ANKRD6: variants seen among roughly 807,000 people sequenced by gnomAD.
ANKRD6 encodes the protein ankyrin repeat domain 6.
ANKRD6 carries 56 observed loss-of-function variants against 82.3 expected under a neutral mutation model. The ratio of observed to expected loss-of-function variants is 0.68; its 90% confidence interval spans 0.55 to 0.85. The LOEUF is 0.85. Among genes scored for constraint, ANKRD6 ranks in the 40% least tolerant of loss-of-function variants. The pLI, the probability that ANKRD6 is intolerant of heterozygous loss-of-function variation, is 0.00. For missense variants in ANKRD6, 852 were observed against 907.6 expected (o/e 0.94, Z 0.79); for synonymous variants, 347 against 352.1 (o/e 0.99, Z 0.16).
chr6:89,622,066 G>C lies in ANKRD6; in HGVS notation c.897+40G>C, dbSNP rs369210246. Reference sequence around the variant, plus strand: ...TCCCGCCGTCCCCACATCCACCCATGCTCAGAGGGTGGGAAACTATCTCCC... The same window carrying C: ...TCCCGCCGTCCCCACATCCACCCATCCTCAGAGGGTGGGAAACTATCTCCC... On this transcript the variant is annotated intron_variant, in intron 10 of 15. Coordinates refer to ENST00000339746, the MANE Select transcript of ANKRD6 (RefSeq NM_001242809.2). 92 of 1,572,948 alleles carry C rather than the reference G, an allele frequency of 5.8e-5. No individual in the cohort carries two copies. The African/African-American group carries it at 1.1e-3, about 19-fold the overall frequency.
chr6:89,624,497 G>A, intron 12 of ANKRD6, 42 bp from the exon 13 acceptor site: 1 of 1,547,794 alleles, frequency 6.5e-7, no homozygotes, highest in Non-Finnish European at 8.7e-7. Flanking sequence ...ACCTGATGAA[G>A]GAATGAACAA....
chr6:89,526,249 T>G (rs1482412134), intron 1 of ANKRD6, among the ~76,000 whole-genome samples: 1 of 152,054 alleles, frequency 6.6e-6, no homozygotes, highest in Non-Finnish European at 1.5e-5. Context: ...TGCTCCAGAG[T>G]GGTCTAATGG....
intron 3 of ANKRD6, among the ~76,000 whole-genome samples, chr6:89,599,019 A>C (rs1796503150): frequency 6.6e-6 from 1 of 152,134 alleles, no homozygotes; most frequent in African/African-American, 2.4e-5. Flanking sequence ...TTATCAATAA[A>C]ATGAGAGAAT....
chr6:89,613,042 A>G (rs1443155716), intron 6 of ANKRD6, among the ~76,000 whole-genome samples: 5 of 152,364 alleles, frequency 3.3e-5, no homozygotes, highest in African/African-American at 1.2e-4. Flanking sequence ...GCAGGGGAGA[A>G]AAGTATGCCA....
intron 2 of ANKRD6, among the ~76,000 whole-genome samples, chr6:89,591,167 G>A (rs897259278): frequency 6.6e-5 from 10 of 152,094 alleles, no homozygotes; most frequent in African/African-American, 2.2e-4. Context: ...GCAATGGTGC[G>A]ATCACAGCTC....
chr6:89,552,136 C>T (rs963560437), intron 1 of ANKRD6, among the ~76,000 whole-genome samples: 2 of 152,180 alleles, frequency 1.3e-5, no homozygotes, highest in Non-Finnish European at 2.9e-5. Context: ...GGAAGAAAGC[C>T]TTAGCTCGGA....
At chr6:89,503,496 T>C (rs1325465919) in intron 1 of ANKRD6, among the ~76,000 whole-genome samples, 1 of 152,174 alleles carries the variant, frequency 6.6e-6, no homozygotes, top group Non-Finnish European at 1.5e-5. Flanking sequence ...GTTTGGCCCC[T>C]TGTACTGCTT....
chr6:89,582,728 A>G (rs1792844808), intron 2 of ANKRD6, among the ~76,000 whole-genome samples: 1 of 136,778 alleles, frequency 7.3e-6, no homozygotes. Flanking sequence ...ATCTTTCCTT[A>G]CCTAGAGGCA....
At chr6:89,611,578 T>G (rs1443108955) in intron 5 of ANKRD6, among the ~76,000 whole-genome samples, 1 of 152,256 alleles carries the variant, frequency 6.6e-6, no homozygotes, top group Non-Finnish European at 1.5e-5. Flanking sequence ...GTCATTGTGA[T>G]GTGGTTTGTT....
At chr6:89,480,292 T>C (rs1011546175) in intron 1 of ANKRD6, among the ~76,000 whole-genome samples, 1 of 152,292 alleles carries the variant, frequency 6.6e-6, no homozygotes, top group South Asian at 2.1e-4. Context: ...AAAATCCCAT[T>C]TATGTTGGCA....
chr6:89,622,147 C>T, intron 10 of ANKRD6, 121 bp downstream of exon 10: 1 of 793,872 alleles, frequency 1.3e-6, no homozygotes, highest in South Asian at 1.8e-5. Context: ...CTCCTCCTTG[C>T]TGGAGCTCTT....
At chr6:89,571,936 C>G (rs544814739) in intron 2 of ANKRD6, among the ~76,000 whole-genome samples, 12 of 152,314 alleles carry the variant, frequency 7.9e-5, no homozygotes, top group African/African-American at 1.9e-4. Context: ...CTTCCCTCCT[C>G]CCACCCCAAT....
chr6:89,444,743 G>A (rs950385222), intron 1 of ANKRD6, among the ~76,000 whole-genome samples: 5 of 152,234 alleles, frequency 3.3e-5, no homozygotes, highest in African/African-American at 7.2e-5. Context: ...TGAGGTGGGC[G>A]GATCACCTGA....
intron 4 of ANKRD6, among the ~76,000 whole-genome samples, 193 bp downstream of exon 4, chr6:89,603,320 ATTTTTT>A (rs1229759944): frequency 1.7e-5 from 2 of 114,712 alleles, no homozygotes; most frequent in South Asian, 2.8e-4. Context: ...GCCAATTGTA[ATTTTTT>A]TTTTTTTTTT....
chr6:89,623,677 T>G lies in ANKRD6; in HGVS notation c.1032+133T>G, dbSNP rs1804495163. 2.2e-6 allele frequency: 3 copies of G among 1,363,508 alleles called. 1 individual carries two copies. The highest frequency in any genetic ancestry group is 3.0e-5 in the South Asian group (2 of 66,514). The allele number at this position is 1,363,508 out of a possible 1,614,324, so 84.5% of individuals were successfully genotyped here. On this transcript the variant is annotated intron_variant, in intron 11 of 15. Coordinates refer to ENST00000339746, the MANE Select transcript of ANKRD6 (RefSeq NM_001242809.2). ...TGGTTTGGAGCCAGAGCACAGAAAT[T>G]AAATCTGGCTAACATCAGACATAAG...
At chr6:89,477,502 TG>T (rs1776189882) in intron 1 of ANKRD6, among the ~76,000 whole-genome samples, 1 of 151,866 alleles carries the variant, frequency 6.6e-6, no homozygotes, top group Admixed American at 6.6e-5. Context: ...CTGGGCACGG[TG>T]GCTCATACCT....
At position 89,456,514 on chromosome 6, in the gene ANKRD6, G is replaced by T. The variant is rs115559886; in HGVS notation, c.-144+23139G>T. Among the ~76,000 whole-genome samples the T allele has an allele frequency of 7.8e-3, 1,183 of 152,164 alleles. 17 individuals carry two copies. Among genetic ancestry groups the T allele is most frequent in the African/African-American group, 0.027 (1,106 of 41,500 alleles). The stretch of plus-strand genomic sequence containing the variant: ...CTTGCCTCTGTGCGTGTGCATCCTT[G>T]GTGTCTCCAGTCAGACTGGGTTAGG... On this transcript the variant is annotated intron_variant, in intron 1 of 15. Transcript: ENST00000339746.
intron 5 of ANKRD6, among the ~76,000 whole-genome samples, chr6:89,606,945 G>A (rs926811379): frequency 1.3e-5 from 2 of 151,840 alleles, no homozygotes; most frequent in Non-Finnish European, 2.9e-5. Context: ...TGAGGCAGGC[G>A]GATCACTTGA....
At chr6:89,496,111 G>A (rs1778579657) in intron 1 of ANKRD6, among the ~76,000 whole-genome samples, 1 of 151,926 alleles carries the variant, frequency 6.6e-6, no homozygotes, top group African/African-American at 2.4e-5. Context: ...TGAAGACTCC[G>A]GAGTTGTGCT....
Sources: gnomAD v4.1 joint callset for allele counts (sites outside exome capture counted in the v4.1 genomes callset) on GRCh38, gnomAD v4.1.1 for gene constraint, MANE v1.5 for transcripts, NCBI Gene and HGNC (gene_info 2026-07-23, HGNC 2026-07-21) for gene names.